RARRES2: variants seen among roughly 807,000 people sequenced by gnomAD.
RARRES2 encodes the protein retinoic acid receptor responder 2, also known as retinoic acid receptor responder protein 2.
Under a neutral mutation model 17.9 loss-of-function variants are expected in RARRES2, and 12 were observed. The observed-to-expected ratio is 0.67, with a 90% CI of 0.43 to 1.08. The LOEUF is 1.08. Ranked by LOEUF, RARRES2 falls within the 50% of genes least tolerant of loss-of-function variation. The pLI, the probability that RARRES2 is intolerant of heterozygous loss-of-function variation, is 0.00. For synonymous variants in RARRES2, 82 were observed against 86.8 expected (o/e 0.94, Z 0.31); for missense variants, 220 against 210.1 (o/e 1.05, Z -0.29).
chr7:150,340,243 A>T, intron 2 of RARRES2, 39 bp from the exon 3 acceptor site: 1 of 1,604,950 alleles, frequency 6.2e-7, no homozygotes, highest in Non-Finnish European at 8.5e-7. Context: ...GCCGGTAGCC[A>T]GCTGAGGGTG....
chr7:150,339,138 G>A, intron 3 of RARRES2, 57 bp from the exon 4 acceptor site: 11 of 1,479,666 alleles, frequency 7.4e-6, no homozygotes, highest in Non-Finnish European at 1.0e-5. Flanking sequence ...GGAGGCCTGG[G>A]CATCATGAGG....
intron 2 of RARRES2, 50 bp from the exon 3 acceptor site, chr7:150,340,254 C>A (rs1354576055): frequency 6.3e-7 from 1 of 1,594,146 alleles, no homozygotes; most frequent in African/African-American, 1.3e-5. Flanking sequence ...GCTGAGGGTG[C>A]AGAGCAAGCC....
intron 3 of RARRES2, among the ~76,000 whole-genome samples, chr7:150,339,687 C>CCCCCA (rs71196703): frequency 0.14 from 21,968 of 151,858 alleles, 1,856 homozygotes; most frequent in African/African-American, 0.24. Context: ...CCAGGCATCA[C>CCCCCA]CCCCACGGTG....
At chr7:150,340,390 C>T (rs1250556780) in intron 2 of RARRES2, 46 bp downstream of exon 2, 4 of 1,562,420 alleles carry the variant, frequency 2.6e-6, no homozygotes, top group East Asian at 2.3e-5. Flanking sequence ...GCGCTGGTCT[C>T]CTGGGGTACG....
chr7:150,340,352 A>G (rs1299084907), intron 2 of RARRES2, 84 bp downstream of exon 2: 1 of 1,543,790 alleles, frequency 6.5e-7, no homozygotes. Context: ...CTCAGAGCCC[A>G]AGCACTTCTG....
intron 1 of RARRES2, 72 bp from the exon 2 acceptor site, chr7:150,340,701 G>C: frequency 7.7e-7 from 1 of 1,307,044 alleles, no homozygotes; most frequent in Non-Finnish European, 1.0e-6. Context: ...CCTGCTCTGG[G>C]GGGAGGGTGG....
At chr7:150,339,965 T>C in intron 3 of RARRES2, 135 bp downstream of exon 3, 1 of 795,606 alleles carries the variant, frequency 1.3e-6, no homozygotes, top group Non-Finnish European at 2.1e-6. Flanking sequence ...CGCAGTGGGG[T>C]CTCTAACCTC....
At chr7:150,340,703 G>T (rs1798465787) in intron 1 of RARRES2, 74 bp from the exon 2 acceptor site, 3 of 1,303,834 alleles carry the variant, frequency 2.3e-6, no homozygotes, top group South Asian at 3.2e-5. Context: ...TGCTCTGGGG[G>T]GAGGGTGGGG....
intron 1 of RARRES2, 125 bp downstream of exon 1, chr7:150,341,453 T>C (rs980335788): frequency 2.0e-4 from 30 of 152,338 alleles, no homozygotes; most frequent in African/African-American, 6.7e-4. Flanking sequence ...GCGACAGATG[T>C]GGAAACCGAG....
At position 150,338,447 on chromosome 7, in the gene RARRES2, A is replaced by G. The variant is rs1016816476; in HGVS notation, c.*11-8T>C. 29 of 1,529,648 alleles carry G rather than the reference A, an allele frequency of 1.9e-5. No individual in the cohort carries two copies. The Admixed American group carries it at 5.5e-4, about 29-fold the overall frequency. The allele number at this position is 1,529,648 out of a possible 1,614,324, so 94.8% of individuals were successfully genotyped here. A position where few individuals can be genotyped will look rare whatever the true frequency, so the allele number is the denominator to read the frequency against. On this transcript the variant is annotated splice_polypyrimidine_tract_variant and splice_region_variant and intron_variant, in intron 5 of 5. Transcript: ENST00000223271. ...TGGAGGCACCACGCATCTCTAGACA[A>G]AAGGGGAAACAGGTTTGGGGGTGAG...
Position 150,340,563 on chromosome 7 carries a change from C to T in RARRES2, c.47G>A (p.Gly16Asp), listed in dbSNP as rs766130669. The T allele has an allele frequency of 6.4e-7, 1 of 1,566,852 alleles. No homozygotes were observed. Among genetic ancestry groups the T allele is most frequent in the African/African-American group, 1.4e-5 (1 of 73,998 alleles). ...IPLALWLGAV[G>D]VGVAELTEAQ... ...TTCCGTGAGCTCGGCGACGCCCACGCCCACCGCACCCAGCCACAGGGCCAG... is the reference window on the plus strand; with the variant it reads ...TTCCGTGAGCTCGGCGACGCCCACGTCCACCGCACCCAGCCACAGGGCCAG... Residue 16 changes from glycine to aspartate, a missense_variant, in exon 2 of 6, where the codon GGC (glycine) becomes GAC (aspartate). Coordinates refer to ENST00000223271, the MANE Select transcript of RARRES2 (RefSeq NM_002889.4).
chr7:150,339,584 C>T (rs142797849), intron 3 of RARRES2, among the ~76,000 whole-genome samples: 2 of 152,276 alleles, frequency 1.3e-5, no homozygotes, highest in Non-Finnish European at 2.9e-5. Context: ...CTTGAGCCGA[C>T]AGAGGGAACT....
At position 150,340,475 on chromosome 7, in the gene RARRES2, C is replaced by T. The variant is rs1454335943; in HGVS notation, c.135G>A (p.Trp45Ter). ...EEFHKHPPVQ[W>*]AFQETSVESA... ...TCTCCACACTGGTCTCCTGGAAGGCCCACTGCACGGGCGGGTGCTTGTGAA... is the reference window on the plus strand; with the variant it reads ...TCTCCACACTGGTCTCCTGGAAGGCTCACTGCACGGGCGGGTGCTTGTGAA... The change falls in exon 2 of 6, where the codon TGG (tryptophan) becomes TGA (stop). Residue 45 changes from tryptophan to a stop codon, truncating the protein, a stop_gained. Coordinates refer to ENST00000223271, the MANE Select transcript of RARRES2 (RefSeq NM_002889.4). LOFTEE classifies it high-confidence loss of function. 1 of 1,610,366 alleles carries T rather than the reference C, an allele frequency of 6.2e-7. No individual in the cohort carries two copies. Among genetic ancestry groups the T allele is most frequent in the Admixed American group, 1.7e-5 (1 of 59,650 alleles).
At chr7:150,340,072 C>T in intron 3 of RARRES2, 28 bp downstream of exon 3, 2 of 1,588,698 alleles carry the variant, frequency 1.3e-6, no homozygotes, top group South Asian at 1.1e-5. Flanking sequence ...CCAGCATGCG[C>T]CCATTGCTCT....
chr7:150,338,601 C>T lies in RARRES2; in HGVS notation c.*10+14G>A, dbSNP rs757254992. Reference sequence around the variant, plus strand: ...GCCTCATCCAGACGGTGCTCTCAGCCCCCTGGTGCCTACCAGTGCTGGCTT... The same window carrying T: ...GCCTCATCCAGACGGTGCTCTCAGCTCCCTGGTGCCTACCAGTGCTGGCTT... On this transcript the variant is annotated intron_variant, in intron 5 of 5. Coordinates refer to ENST00000223271, the MANE Select transcript of RARRES2 (RefSeq NM_002889.4). 31 of 1,551,296 alleles carry T rather than the reference C, an allele frequency of 2.0e-5. 1 individual carries two copies. Among genetic ancestry groups the T allele is most frequent in the South Asian group, 1.2e-4 (10 of 83,976 alleles).
intron 4 of RARRES2, 80 bp from the exon 5 acceptor site, chr7:150,338,821 C>T (rs1798402626): frequency 6.4e-7 from 1 of 1,563,476 alleles, no homozygotes; most frequent in African/African-American, 1.4e-5. Flanking sequence ...CCTCCACATC[C>T]CCTCCACATC....
chr7:150,340,173 T>C lies in RARRES2; in HGVS notation c.206A>G (p.Glu69Gly), dbSNP rs1798448327. 6.2e-7 allele frequency: 1 copy of C among 1,614,068 alleles called. No individual in the cohort carries two copies. Among genetic ancestry groups the C allele is most frequent in the Admixed American group, 1.7e-5 (1 of 60,012 alleles). The change falls in exon 3 of 6, where the codon GAA becomes GGA. Residue 69 changes from glutamate (E) to glycine (G), a missense_variant. Glu to Gly is a moderately conservative substitution (Grantham distance 98, BLOSUM62 -2). Coordinates refer to ENST00000223271, the MANE Select transcript of RARRES2 (RefSeq NM_002889.4). ...GCAGCTTGTCTGCTGCAGCTTAAAT[T>C]CCAGCCTCACAAATATTCCAGCTGG... ...PFPAGIFVRL[E>G]FKLQQTSCRK...
At chr7:150,340,359 T>A in intron 2 of RARRES2, 77 bp downstream of exon 2, 1 of 1,550,998 alleles carries the variant, frequency 6.4e-7, no homozygotes, top group Non-Finnish European at 8.7e-7. Context: ...CCCAAGCACT[T>A]CTGTCCCCCT....
chr7:150,340,424 C>T lies in RARRES2; in HGVS notation c.174+12G>A, dbSNP rs562963800. 3.8e-6 allele frequency: 6 copies of T among 1,588,932 alleles called. No individual in the cohort carries two copies. Among genetic ancestry groups the T allele is most frequent in the Non-Finnish European group, 4.3e-6 (5 of 1,164,460 alleles). ...CGACCCTCCCCGCTCCTGCCCGGGCCATGCTACTCACCGTGTCCACGGCGC... is the reference window on the plus strand; with the variant it reads ...CGACCCTCCCCGCTCCTGCCCGGGCTATGCTACTCACCGTGTCCACGGCGC... On this transcript the variant is annotated intron_variant, in intron 2 of 5. Transcript: ENST00000223271.
Sources: allele counts gnomAD v4.1 joint callset (sites outside exome capture counted in the v4.1 genomes callset), GRCh38; gene constraint gnomAD v4.1.1; transcripts MANE v1.5; gene names NCBI Gene and HGNC (gene_info 2026-07-23, HGNC 2026-07-21).